The following VCAN variants were observed in gnomAD, a reference collection of about 807,000 sequenced individuals.
The protein encoded by VCAN is versican.
In VCAN, 44 loss-of-function variants were observed where a neutral mutation model predicts 245.5. The ratio of observed to expected loss-of-function variants is 0.18; its 90% CI spans 0.14 to 0.23. The LOEUF is 0.23. Ranked by LOEUF, VCAN falls within the 10% of genes least tolerant of loss-of-function variation. The pLI is 1.00. For missense variants in VCAN, 3,793 were observed against 4,057.9 expected, an observed-to-expected ratio of 0.93 and a Z score of 1.77; for synonymous variants, 1,413 against 1,437.0, an observed-to-expected ratio of 0.98 and a Z score of 0.38.
At chr5:83,560,757 G>C (rs1747835672) in intron 12 of VCAN, among the ~76,000 whole-genome samples, 1 of 152,102 alleles carries the variant, frequency 6.6e-6, no homozygotes, top group African/African-American at 2.4e-5. Context: ...ATTTAAAGCT[G>C]TCATATTGCT....
chr5:83,493,592 T>C lies in VCAN; in HGVS notation c.492T>C (p.Asn164=), dbSNP rs887252162. 2.5e-6 allele frequency: 4 copies of C among 1,613,950 alleles called. No homozygotes were observed. The highest frequency in any genetic ancestry group is 3.4e-6 in the Non-Finnish European group (4 of 1,180,000). Residue 164 remains asparagine, a synonymous_variant, in exon 4 of 15, where the codon AAT becomes AAC. Transcript: ENST00000265077. ...YRAATSRYTL[N]FEAAQKACLD... is the part of the protein sequence containing the mutation. ...CGGCAACCAGCAGGTACACACTGAATTTTGAGGCTGCTCAGAAGGCTTGTT... is the reference window on the plus strand; with the variant it reads ...CGGCAACCAGCAGGTACACACTGAACTTTGAGGCTGCTCAGAAGGCTTGTT...
At chr5:83,522,792 AG>A (rs1746157453) in intron 7 of VCAN, among the ~76,000 whole-genome samples, 1 of 152,200 alleles carries the variant, frequency 6.6e-6, no homozygotes, top group Admixed American at 6.5e-5. Context: ...AGGATTTTAC[AG>A]GTTTATTATA....
At chr5:83,491,157 A>T (rs1434327902) in intron 3 of VCAN, among the ~76,000 whole-genome samples, 1 of 152,178 alleles carries the variant, frequency 6.6e-6, no homozygotes, top group African/African-American at 2.4e-5. Flanking sequence ...GGGGTGGTTT[A>T]TATGTCATTT....
chr5:83,562,339 T>C (rs1200707529), intron 12 of VCAN: 1 of 152,160 alleles, frequency 6.6e-6, no homozygotes, highest in South Asian at 2.1e-4. Flanking sequence ...TGATTTGGAA[T>C]CAAGAACTGA....
chr5:83,498,085 T>C (rs2036730294), intron 5 of VCAN, among the ~76,000 whole-genome samples: 1 of 152,188 alleles, frequency 6.6e-6, no homozygotes, highest in Non-Finnish European at 1.5e-5. Flanking sequence ...TGCCTTTTGG[T>C]ATTTACTTCA....
At chr5:83,523,520 A>G (rs1746180416) in intron 7 of VCAN, among the ~76,000 whole-genome samples, 1 of 151,388 alleles carries the variant, frequency 6.6e-6, no homozygotes, top group Non-Finnish European at 1.5e-5. Flanking sequence ...GAGTGCACCT[A>G]TTGGAAACAA....
At chr5:83,481,574 C>T (rs1286093752) in intron 1 of VCAN, among the ~76,000 whole-genome samples, 1 of 152,034 alleles carries the variant, frequency 6.6e-6, no homozygotes, top group African/African-American at 2.4e-5. Context: ...TTAACAAAGT[C>T]TATTAGCAGA....
rs566000458 is a variant in VCAN, at chr5:83,516,150, C to T, written c.1043-3199C>T. ...ACCCAAACCCTAACCCTAACCCTAA[C>T]CCTATCCCTAGCCTGTAGTCCCAGT... On this transcript the variant is annotated intron_variant, in intron 6 of 14. Transcript: ENST00000265077. 1.9e-3 allele frequency among the ~76,000 whole-genome samples: 290 copies of T among 152,234 alleles called. 1 individual carries two copies. Among genetic ancestry groups the T allele is most frequent in the Middle Eastern group, 3.4e-3 (1 of 294 alleles).
chr5:83,522,359 T>C lies in VCAN; in HGVS notation c.4003+50T>C. ...CATTGAAGGCAATCCTCATTTTATC[T>C]TGAAAGTTACTTTTGGGGAAAAAAA... On this transcript the variant is annotated intron_variant, in intron 7 of 14. Coordinates refer to ENST00000265077, the MANE Select transcript of VCAN (RefSeq NM_004385.5). 3.8e-6 allele frequency: 6 copies of C among 1,588,584 alleles called. 1 individual carries two copies. Among genetic ancestry groups the C allele is most frequent in the Non-Finnish European group, 5.1e-6 (6 of 1,172,762 alleles).
chr5:83,494,502 A>C (rs1388492054), intron 5 of VCAN, among the ~76,000 whole-genome samples: 2 of 152,234 alleles, frequency 1.3e-5, no homozygotes, highest in Non-Finnish European at 2.9e-5. Flanking sequence ...GTTGTTAGAG[A>C]TATGAAATCA....
chr5:83,565,613 G>A (rs1748051894), intron 12 of VCAN, among the ~76,000 whole-genome samples: 1 of 152,122 alleles, frequency 6.6e-6, no homozygotes. Context: ...AGTGCTCATT[G>A]ATTATTCTTT....
intron 12 of VCAN, among the ~76,000 whole-genome samples, chr5:83,565,246 G>A (rs1238942223): frequency 6.6e-6 from 1 of 152,168 alleles, no homozygotes; most frequent in Non-Finnish European, 1.5e-5. Context: ...GTAGGTTGCT[G>A]TCTACTCTGC....
rs1395921226 is a variant in VCAN at position 83,574,441 on chromosome 5, C to T, written c.9880+1881C>T. The stretch of plus-strand genomic sequence containing the variant: ...CAATAACAAGGTAATATAATAATTT[C>T]TCCTGACATGATATAACTATCCTGC... On this transcript the variant is annotated intron_variant, in intron 13 of 14. Coordinates refer to ENST00000265077, the MANE Select transcript of VCAN (RefSeq NM_004385.5). Among the ~76,000 whole-genome samples the T allele has an allele frequency of 7.2e-5, 11 of 152,298 alleles. No individual in the cohort carries two copies. The East Asian group carries it at 1.7e-3, about 24-fold the overall frequency.
chr5:83,548,612 A>C (rs139064906), intron 10 of VCAN, among the ~76,000 whole-genome samples: 2 of 152,216 alleles, frequency 1.3e-5, no homozygotes, highest in African/African-American at 2.4e-5. Flanking sequence ...AGAAAGCCCT[A>C]TGTTCATGAT....
intron 12 of VCAN, among the ~76,000 whole-genome samples, 189 bp downstream of exon 12, chr5:83,555,227 A>G (rs1442734231): frequency 1.3e-5 from 2 of 152,180 alleles, no homozygotes; most frequent in Admixed American, 1.3e-4. Context: ...CCTCTCTTCA[A>G]TAGTTGTGGT....
chr5:83,516,356 GT>G (rs1398308781), intron 6 of VCAN, among the ~76,000 whole-genome samples: 1 of 152,144 alleles, frequency 6.6e-6, no homozygotes, highest in Admixed American at 6.5e-5. Context: ...TTATAACCAT[GT>G]TTACATTTAG....
intron 5 of VCAN, among the ~76,000 whole-genome samples, chr5:83,505,092 G>C (rs1295561938): frequency 2.0e-5 from 3 of 152,154 alleles, no homozygotes; most frequent in East Asian, 3.9e-4. Flanking sequence ...GCGAGATACA[G>C]TTCAAGTTGA....
At chr5:83,556,952 G>A (rs890710702) in intron 12 of VCAN, among the ~76,000 whole-genome samples, 1 of 152,000 alleles carries the variant, frequency 6.6e-6, no homozygotes, top group Non-Finnish European at 1.5e-5. Flanking sequence ...TACCTCCCAC[G>A]AATTTCCCTT....
intron 1 of VCAN, among the ~76,000 whole-genome samples, chr5:83,475,558 T>A (rs1744358848): frequency 1.3e-5 from 2 of 152,324 alleles, no homozygotes; most frequent in South Asian, 4.2e-4. Flanking sequence ...ATTAGTGTTC[T>A]GAGATAGAAG....
Sources: gnomAD v4.1 joint callset for allele counts (sites outside exome capture counted in the v4.1 genomes callset) on GRCh38, gnomAD v4.1.1 for gene constraint, MANE v1.5 for transcripts, NCBI Gene and HGNC (gene_info 2026-07-23, HGNC 2026-07-21) for gene names.